ANKS1A: variants seen among roughly 807,000 people sequenced by gnomAD.
ANKS1A encodes ankyrin repeat and sterile alpha motif domain containing 1A.
Under a neutral mutation model 120.3 loss-of-function variants are expected in ANKS1A, and 55 were observed. The observed-to-expected ratio is 0.46, with a 90% CI of 0.37 to 0.57. ANKS1A has a LOEUF of 0.57. Ranked by LOEUF, ANKS1A falls within the 20% of genes least tolerant of loss-of-function variation. The pLI is 0.00. For synonymous variants in ANKS1A, 590 were observed against 604.7 expected (o/e 0.98, Z 0.36); for missense variants, 1,123 against 1,480.3 (o/e 0.76, Z 3.96).
intron 10 of ANKS1A, among the ~76,000 whole-genome samples, chr6:34,995,064 C>G (rs1202097965): frequency 6.6e-6 from 1 of 152,222 alleles, no homozygotes; most frequent in Non-Finnish European, 1.5e-5. Context: ...TGATAAGGGA[C>G]AATGCAGTTC....
In ANKS1A at chr6:34,978,305, T is replaced by C. The variant is rs539220683; in HGVS notation, c.436-3385T>C. On this transcript the variant is annotated intron_variant, in intron 3 of 23. Coordinates refer to ENST00000360359, the MANE Select transcript of ANKS1A (RefSeq NM_015245.3). ...GAATGGAGAATTTGTGCAAAAGCAT[T>C]GGGGGAAATTTGGGCTATTTCCTCT... 1.2e-3 allele frequency among the ~76,000 whole-genome samples: 184 copies of C among 152,224 alleles called. 1 individual carries two copies. The highest frequency in any genetic ancestry group is 6.8e-3 in the Middle Eastern group (2 of 294).
At chr6:35,015,701 T>C (rs562949532) in intron 10 of ANKS1A, among the ~76,000 whole-genome samples, 1 of 152,342 alleles carries the variant, frequency 6.6e-6, no homozygotes, top group East Asian at 1.9e-4. Context: ...GGGAGAACTG[T>C]ATCCCTGCTC....
At chr6:34,905,267 C>T (rs1767593232) in intron 1 of ANKS1A, among the ~76,000 whole-genome samples, 2 of 152,244 alleles carry the variant, frequency 1.3e-5, no homozygotes, top group South Asian at 4.1e-4. Context: ...CTGATCCAGC[C>T]TGGTGGAGTC....
chr6:35,033,294 G>A (rs1447382135), intron 11 of ANKS1A, among the ~76,000 whole-genome samples: 1 of 152,182 alleles, frequency 6.6e-6, no homozygotes, highest in Non-Finnish European at 1.5e-5. Flanking sequence ...AGAAGGACTT[G>A]CTGCAGCAGA....
intron 13 of ANKS1A, among the ~76,000 whole-genome samples, chr6:35,071,217 T>C (rs1777069567): frequency 6.6e-6 from 1 of 152,156 alleles, no homozygotes; most frequent in Non-Finnish European, 1.5e-5. Context: ...CTCACATATA[T>C]CGCTTGATGT....
intron 13 of ANKS1A, among the ~76,000 whole-genome samples, chr6:35,068,082 T>A (rs1429404621): frequency 6.6e-6 from 1 of 151,978 alleles, no homozygotes; most frequent in Non-Finnish European, 1.5e-5. Context: ...TTAGTAGAGA[T>A]GTAGTTTCAC....
At chr6:34,933,807 T>G (rs1345376618) in intron 1 of ANKS1A, among the ~76,000 whole-genome samples, 8 of 152,252 alleles carry the variant, frequency 5.3e-5, no homozygotes, top group Non-Finnish European at 1.2e-4. Flanking sequence ...TCAGGGCTAA[T>G]GCCTTTGAAA....
chr6:34,908,748 G>T (rs1484954931), intron 1 of ANKS1A, among the ~76,000 whole-genome samples: 1 of 152,142 alleles, frequency 6.6e-6, no homozygotes, highest in Non-Finnish European at 1.5e-5. Flanking sequence ...GTGTACGAAT[G>T]CATTTGCTGA....
In ANKS1A at chr6:35,017,588, G is replaced by A; in HGVS notation, c.1539G>A (p.Gly513=). The A allele has an allele frequency of 6.2e-7, 1 of 1,614,014 alleles. No homozygotes were observed. Among genetic ancestry groups the A allele is most frequent in the South Asian group, 1.1e-5 (1 of 91,080 alleles). ...GCTCCTCCCCGGTGTGCGAGGTGGG[G>A]CAGGACCCTTTCCAGCTGCTCTGTA... ...LHGSSPVCEV[G]QDPFQLLCTA... Residue 513 remains glycine, a synonymous_variant, in exon 11 of 24, where the codon GGG becomes GGA. Coordinates refer to ENST00000360359, the MANE Select transcript of ANKS1A (RefSeq NM_015245.3).
At chr6:34,894,976 C>A (rs971151543) in intron 1 of ANKS1A, among the ~76,000 whole-genome samples, 4 of 151,968 alleles carry the variant, frequency 2.6e-5, no homozygotes, top group African/African-American at 9.7e-5. Flanking sequence ...TTTTATGCTG[C>A]CATTTCATTG....
intron 1 of ANKS1A, among the ~76,000 whole-genome samples, chr6:34,959,486 T>C (rs960818352): frequency 6.6e-6 from 1 of 152,230 alleles, no homozygotes; most frequent in Non-Finnish European, 1.5e-5. Flanking sequence ...AAAGGACTTA[T>C]AATATATGGT....
intron 11 of ANKS1A, among the ~76,000 whole-genome samples, chr6:35,043,187 C>T (rs144572022): frequency 9.5e-4 from 145 of 152,306 alleles, no homozygotes; most frequent in African/African-American, 3.2e-3. Context: ...CTTTTCACCC[C>T]TTGCCACATG....
chr6:34,915,986 CTTT>C (rs202041070), intron 1 of ANKS1A, among the ~76,000 whole-genome samples: 19 of 104,562 alleles, frequency 1.8e-4, no homozygotes, highest in African/African-American at 7.4e-4. Flanking sequence ...ATGTCTGGAT[CTTT>C]TTTTTTTTTT....
chr6:35,070,029 A>AG, intron 13 of ANKS1A, among the ~76,000 whole-genome samples: 1 of 150,380 alleles, frequency 6.6e-6, no homozygotes, highest in Non-Finnish European at 1.5e-5. Flanking sequence ...TCTGTCAAAA[A>AG]AAAAAAAAAA....
At chr6:35,048,595 A>C (rs1399939269) in intron 11 of ANKS1A, among the ~76,000 whole-genome samples, 1 of 152,154 alleles carries the variant, frequency 6.6e-6, no homozygotes, top group Non-Finnish European at 1.5e-5. Flanking sequence ...TGGGAGGAGA[A>C]GGAAAAAAAA....
At chr6:34,940,839 C>T (rs576746446) in intron 1 of ANKS1A, among the ~76,000 whole-genome samples, 2 of 150,546 alleles carry the variant, frequency 1.3e-5, no homozygotes, top group Admixed American at 6.6e-5. Context: ...ACTCAGCAGG[C>T]GGAGGTTGCA....
rs568867182 is a variant in ANKS1A, at chr6:34,941,388, G to GT, written c.198-25843dup. 6.1e-3 allele frequency among the ~76,000 whole-genome samples: 918 copies of GT among 150,846 alleles called. 7 individuals are homozygous for GT. Among genetic ancestry groups the GT allele is most frequent in the African/African-American group, 0.018 (744 of 41,130 alleles). ...CATAATCCACAACTTGGCTTTTTCC[G>GT]TTTTTTTTCCTCTGCTGTGTCTCTA... On this transcript the variant is annotated intron_variant, in intron 1 of 23. Transcript: ENST00000360359.
intron 11 of ANKS1A, among the ~76,000 whole-genome samples, chr6:35,045,453 G>C (rs1003630970): frequency 6.6e-6 from 1 of 152,306 alleles, no homozygotes; most frequent in South Asian, 2.1e-4. Flanking sequence ...CTTGTCCAAG[G>C]TTCCACAACT....
intron 7 of ANKS1A, among the ~76,000 whole-genome samples, chr6:34,984,178 G>C (rs1332198824): frequency 6.6e-6 from 1 of 152,150 alleles, no homozygotes; most frequent in Non-Finnish European, 1.5e-5. Context: ...ATGTGGTCTG[G>C]ATGGGAGCTT....
Sources: gnomAD v4.1 joint callset for allele counts (sites outside exome capture counted in the v4.1 genomes callset) on GRCh38, gnomAD v4.1.1 for gene constraint, MANE v1.5 for transcripts, NCBI Gene and HGNC (gene_info 2026-07-23, HGNC 2026-07-21) for gene names.